Variants in PRDM12 observed in about 807,000 individuals in gnomAD.
PRDM12 encodes PR/SET domain 12, also known as PR domain zinc finger protein 12.
PRDM12 carries 17 observed loss-of-function variants against 29.6 expected under a neutral mutation model. The observed-to-expected ratio is 0.57, with a 90% CI of 0.39 to 0.86. The LOEUF (loss-of-function observed/expected upper bound fraction) is 0.86, where lower values mean the gene tolerates loss of function less well. PRDM12 is among the 40% of genes least tolerant of loss of function. The pLI is 0.00. For synonymous variants in PRDM12, 231 were observed against 225.8 expected, an observed-to-expected ratio of 1.02 and a Z score of -0.21; for missense variants, 422 against 510.8, an observed-to-expected ratio of 0.83 and a Z score of 1.68.
intron 4 of PRDM12, among the ~76,000 whole-genome samples, chr9:130,680,626 AAAAAAAAAATATATATAT>A (rs1292556914): frequency 1.5e-5 from 1 of 65,494 alleles, no homozygotes; most frequent in African/African-American, 7.9e-5. Flanking sequence ...CTCCGTCTAA[AAAAAAAAAATATATATAT>A]ATATATATAT....
intron 3 of PRDM12, among the ~76,000 whole-genome samples, chr9:130,673,833 G>A (rs1049437946): frequency 1.5e-4 from 22 of 150,954 alleles, no homozygotes; most frequent in African/African-American, 3.2e-4. Flanking sequence ...CAGCACTCCC[G>A]GCTAATTTTG....
Position 130,681,136 on chromosome 9 carries a change from G to A in PRDM12, c.683-112G>A. 1 of 1,147,866 alleles carries A rather than the reference G, an allele frequency of 8.7e-7. No homozygotes were observed. The highest frequency in any genetic ancestry group is 2.2e-5 in the South Asian group (1 of 46,162). The allele number at this position is 1,147,866 out of a possible 1,614,324, so 71.1% of individuals were successfully genotyped here. On this transcript the variant is annotated intron_variant, in intron 4 of 4. Coordinates refer to ENST00000253008, the MANE Select transcript of PRDM12 (RefSeq NM_021619.3). The surrounding 1 kb of genome is among the most constrained non-coding windows in gnomAD (Gnocchi z 8.1). Reference sequence around the variant, plus strand: ...CAGCACCCACCCTCAAGGACGGACCGGCCCCGGGCTGGGGGCGCTGAGGGC... The same window carrying A: ...CAGCACCCACCCTCAAGGACGGACCAGCCCCGGGCTGGGGGCGCTGAGGGC...
chr9:130,680,628 A>ATATATATATATAT (rs1830885591), intron 4 of PRDM12, among the ~76,000 whole-genome samples: 1 of 68,566 alleles, frequency 1.5e-5, no homozygotes, highest in African/African-American at 8.3e-5. Context: ...CCGTCTAAAA[A>ATATATATATATAT]AAAAAAATAT....
chr9:130,670,771 C>A lies in PRDM12; in HGVS notation c.570+2458C>A, dbSNP rs148327415. On this transcript the variant is annotated intron_variant, in intron 3 of 4. Coordinates refer to ENST00000253008, the MANE Select transcript of PRDM12 (RefSeq NM_021619.3). ...AACCCATCCCCTCACCAACCCCACA[C>A]GCACACACATACCCACACATGTGAA... is the stretch of plus-strand genomic sequence containing the variant. 3.9e-4 allele frequency among the ~76,000 whole-genome samples: 59 copies of A among 152,322 alleles called. No homozygotes were observed. In the East Asian group the frequency reaches 0.011, roughly 27 times the overall value.
chr9:130,668,407 G>T lies in PRDM12; in HGVS notation c.570+94G>T. ...GCAGCGGTGTCCAGGAACCACAGTG[G>T]ACAGAGGGGAGCTGACACTGGCCTC... is the stretch of plus-strand genomic sequence containing the variant. On this transcript the variant is annotated intron_variant, in intron 3 of 4. Coordinates refer to ENST00000253008, the MANE Select transcript of PRDM12 (RefSeq NM_021619.3). The surrounding 1 kb of genome is among the most constrained non-coding windows in gnomAD (Gnocchi z 4.0). 1 of 1,566,722 alleles carries T rather than the reference G, an allele frequency of 6.4e-7. No individual in the cohort carries two copies. The highest frequency in any genetic ancestry group is 2.3e-5 in the East Asian group (1 of 44,344).
intron 2 of PRDM12, among the ~76,000 whole-genome samples, chr9:130,667,222 G>A (rs995106834): frequency 2.6e-5 from 4 of 152,316 alleles, no homozygotes; most frequent in Admixed American, 2.6e-4. Flanking sequence ...GGTGAGGTGG[G>A]GCTGGAAAGG....
intron 1 of PRDM12, 119 bp from the exon 2 acceptor site, chr9:130,666,489 G>C (rs1289008048): frequency 1.5e-6 from 2 of 1,330,352 alleles, no homozygotes; most frequent in Admixed American, 3.0e-5. Flanking sequence ...TCTGGATTTG[G>C]GGCCGACTTG....
chr9:130,675,736 G>A (rs1233918865), intron 3 of PRDM12, among the ~76,000 whole-genome samples: 1 of 152,240 alleles, frequency 6.6e-6, no homozygotes, highest in Non-Finnish European at 1.5e-5. Flanking sequence ...GACTTGCTCA[G>A]CAGATGGGGA....
Position 130,678,574 on chromosome 9 carries a change from CACA to C in PRDM12, c.620_622del (p.Asn207del), listed in dbSNP as rs767407447. On this transcript the variant is annotated inframe_deletion, in exon 4 of 5. Coordinates refer to ENST00000253008, the MANE Select transcript of PRDM12 (RefSeq NM_021619.3). ...ACTGCTGGTGTGGTACGGAAACTCA[CACA>C]ACACCTTCCTGGGGATCCCAGGTGT... 6 of 1,613,732 alleles carry C rather than the reference CACA, an allele frequency of 3.7e-6. No individual in the cohort carries two copies. The highest frequency in any genetic ancestry group is 4.2e-6 in the Non-Finnish European group (5 of 1,179,812).
intron 4 of PRDM12, 101 bp downstream of exon 4, chr9:130,678,741 C>A: frequency 1.1e-6 from 1 of 951,434 alleles, no homozygotes; most frequent in Non-Finnish European, 1.6e-6. Context: ...TCTTGGCCTC[C>A]AGGGACCTTG....
intron 3 of PRDM12, among the ~76,000 whole-genome samples, chr9:130,670,734 A>G (rs143272381): frequency 2.0e-5 from 3 of 152,292 alleles, no homozygotes; most frequent in African/African-American, 7.2e-5. Flanking sequence ...TACAGATGTG[A>G]TGGAGGGCTC....
Position 130,681,519 on chromosome 9 carries a change from G to A in PRDM12, c.954G>A (p.Gln318=). ...YSQLAGLRAH[Q]KSARHRPPST... The stretch of plus-strand genomic sequence containing the variant: ...AGCTGGCCGGCCTGCGCGCCCACCA[G>A]AAGAGCGCGCGGCACCGGCCGCCCA... Residue 318 remains glutamine, a synonymous_variant, in exon 5 of 5, where the codon CAG becomes CAA. Transcript: ENST00000253008. The surrounding 1 kb of genome is among the most constrained non-coding windows in gnomAD (Gnocchi z 8.1). The A allele has an allele frequency of 1.4e-6, 2 of 1,400,276 alleles. No individual in the cohort carries two copies. Among genetic ancestry groups the A allele is most frequent in the Admixed American group, 2.6e-5 (1 of 38,928 alleles). 86.7% of individuals were successfully genotyped at this position (1,400,276 alleles called of 1,614,324 possible).
rs189186971 is a variant in PRDM12, at chr9:130,673,741, G to T, written c.571-4788G>T. On this transcript the variant is annotated intron_variant, in intron 3 of 4. Coordinates refer to ENST00000253008, the MANE Select transcript of PRDM12 (RefSeq NM_021619.3). ...GGCTGGAGTGCAATGATGCCATCTT[G>T]GCTCACCGCAACCTCTGCCTCCTGG... Among the ~76,000 whole-genome samples the T allele has an allele frequency of 3.0e-4, 40 of 134,292 alleles. No individual in the cohort carries two copies. The East Asian group carries it at 7.9e-3, about 27-fold the overall frequency. 88.1% of individuals were successfully genotyped at this position (134,292 alleles called of 152,430 possible). A position where few individuals can be genotyped will look rare whatever the true frequency, so the allele number is the denominator to read the frequency against.
rs774748543 is a variant in PRDM12 at position 130,674,496 on chromosome 9, G to GTGTGTGTT, written c.571-4026_571-4025insTTGTGTGT. 2.6e-3 allele frequency among the ~76,000 whole-genome samples: 287 copies of GTGTGTGTT among 108,324 alleles called. 1 individual carries two copies. The highest frequency in any genetic ancestry group is 0.01 in the African/African-American group (260 of 25,296). The allele number at this position is 108,324 out of a possible 152,430, so 71.1% of individuals were successfully genotyped here. On this transcript the variant is annotated intron_variant, in intron 3 of 4. Coordinates refer to ENST00000253008, the MANE Select transcript of PRDM12 (RefSeq NM_021619.3). ...TTCTTGCTTTTAAAAGATAATTTGT[G>GTGTGTGTT]TGTGTGTGTGTGTGTGTGTGTGTGT...
At chr9:130,680,328 C>A (rs1830882118) in intron 4 of PRDM12, among the ~76,000 whole-genome samples, 2 of 150,342 alleles carry the variant, frequency 1.3e-5, no homozygotes, top group Non-Finnish European at 3.0e-5. Context: ...CAGAGCCAGA[C>A]CCTGTTTCAA....
At chr9:130,679,924 G>A (rs977312456) in intron 4 of PRDM12, among the ~76,000 whole-genome samples, 2 of 151,758 alleles carry the variant, frequency 1.3e-5, no homozygotes, top group South Asian at 2.1e-4. Flanking sequence ...GCCTCCCAAA[G>A]TGCTGGGATT....
chr9:130,664,765 T>C lies in PRDM12; in HGVS notation c.112T>C (p.Tyr38His). The part of the protein sequence containing the change: ...ITSDILHSFL[Y>H]GRWRNVLGEQ... ...CTCCGACATCCTGCACAGCTTCCTGTACGGCCGCTGGCGCAACGTGCTCGG... is the reference window on the plus strand; with the variant it reads ...CTCCGACATCCTGCACAGCTTCCTGCACGGCCGCTGGCGCAACGTGCTCGG... The change falls in exon 1 of 5, where the codon TAC becomes CAC. Residue 38 changes from tyrosine (Y) to histidine (H), a missense_variant. Tyr to His is a moderately conservative substitution (Grantham distance 83, BLOSUM62 2). Coordinates refer to ENST00000253008, the MANE Select transcript of PRDM12 (RefSeq NM_021619.3). This position sits in a 1 kb window ranked among gnomAD's most constrained non-coding sequence, Gnocchi z 6.4. The C allele has an allele frequency of 6.2e-7, 1 of 1,609,122 alleles. No homozygotes were observed. The highest frequency in any genetic ancestry group is 1.1e-5 in the South Asian group (1 of 90,524).
chr9:130,669,865 G>T (rs1333880259), intron 3 of PRDM12, among the ~76,000 whole-genome samples: 1 of 151,606 alleles, frequency 6.6e-6, no homozygotes, highest in Non-Finnish European at 1.5e-5. Context: ...ACTTCCTGTG[G>T]TGTGGCAGGG....
At chr9:130,673,385 G>T (rs1401581991) in intron 3 of PRDM12, among the ~76,000 whole-genome samples, 1 of 152,194 alleles carries the variant, frequency 6.6e-6, no homozygotes, top group Non-Finnish European at 1.5e-5. Context: ...GACACCAGAA[G>T]CCTGGGCACG....
Sources: gnomAD v4.1 joint callset for allele counts (sites outside exome capture counted in the v4.1 genomes callset) on GRCh38, gnomAD v4.1.1 for gene constraint, Gnocchi (gnomAD v3.1) non-coding constraint, MANE v1.5 for transcripts, NCBI Gene and HGNC (gene_info 2026-07-23, HGNC 2026-07-21) for gene names.